Variants in RAB27B observed in about 807,000 individuals in gnomAD.
The protein encoded by RAB27B is RAB27B, member RAS oncogene family, also known as ras-related protein Rab-27B.
A neutral mutation model predicts 24.6 loss-of-function variants in RAB27B; 15 were observed. That is an observed-to-expected ratio of 0.61 (90% CI 0.41 to 0.94). RAB27B has a LOEUF of 0.94. RAB27B is among the 40% of genes least tolerant of loss of function. RAB27B has a pLI of 0.00. For missense variants in RAB27B, 261 were observed against 266.8 expected, an observed-to-expected ratio of 0.98 and a Z score of 0.15; for synonymous variants, 105 against 92.5, an observed-to-expected ratio of 1.14 and a Z score of -0.78.
intron 2 of RAB27B, among the ~76,000 whole-genome samples, chr18:54,795,374 A>T (rs1245682315): frequency 6.6e-6 from 1 of 152,212 alleles, no homozygotes; most frequent in African/African-American, 2.4e-5. Context: ...TCCTCGCCAC[A>T]CAGAAAGCCA....
chr18:54,730,571 G>T (rs568950670), intron 2 of RAB27B, among the ~76,000 whole-genome samples: 1 of 152,126 alleles, frequency 6.6e-6, no homozygotes, highest in African/African-American at 2.4e-5. Context: ...GCCCGGTGGA[G>T]GTGTTTGGGT....
chr18:54,861,431 C>T (rs574033414), intron 1 of RAB27B, among the ~76,000 whole-genome samples: 7 of 152,286 alleles, frequency 4.6e-5, no homozygotes, highest in African/African-American at 1.4e-4. Flanking sequence ...GGTGGCATAT[C>T]ATTTTCATGA....
At chr18:54,870,379 C>A (rs1400461056) in intron 1 of RAB27B, among the ~76,000 whole-genome samples, 2 of 152,090 alleles carry the variant, frequency 1.3e-5, no homozygotes, top group Non-Finnish European at 2.9e-5. Context: ...AATTTAATAT[C>A]TACTCATGTT....
chr18:54,846,155 T>A (rs1321830047), intron 1 of RAB27B, among the ~76,000 whole-genome samples: 1 of 152,228 alleles, frequency 6.6e-6, no homozygotes, highest in East Asian at 1.9e-4. Flanking sequence ...GCAGGCTATA[T>A]GTGCCTTAAG....
intron 2 of RAB27B, among the ~76,000 whole-genome samples, chr18:54,741,990 G>A (rs180843713): frequency 6.6e-6 from 1 of 152,290 alleles, no homozygotes; most frequent in Admixed American, 6.5e-5. Context: ...TCAGTCTTAA[G>A]GGGTTTGTTT....
intron 2 of RAB27B, among the ~76,000 whole-genome samples, chr18:54,776,922 G>A (rs1003434354): frequency 6.6e-6 from 1 of 152,110 alleles, no homozygotes; most frequent in East Asian, 1.9e-4. Context: ...GCACACACTG[G>A]TAGTCTCAGC....
At chr18:54,816,699 T>G (rs1364965339) in intron 2 of RAB27B, among the ~76,000 whole-genome samples, 5 of 152,170 alleles carry the variant, frequency 3.3e-5, no homozygotes, top group Admixed American at 3.3e-4. Context: ...AGTGGAAGTT[T>G]GGGCTGTGTG....
At chr18:54,825,320 T>C (rs1910436197), upstream of RAB27B, among the ~76,000 whole-genome samples, 1 of 152,230 alleles carries the variant, frequency 6.6e-6, no homozygotes, top group African/African-American at 2.4e-5. Context: ...TTTAAAGGAT[T>C]GTTTTCCTGG....
Position 54,797,173 on chromosome 18 carries a change from A to G in RAB27B, c.-20+79032A>G, listed in dbSNP as rs530880595. On this transcript the variant is annotated intron_variant, in intron 2 of 4. Transcript: ENST00000586570. ...TGAGTGCAAATGTGTGCACAGGCAT[A>G]TAAGAATTTGGAATTGTTTCTAGGG... Among the ~76,000 whole-genome samples the G allele has an allele frequency of 3.3e-5, 5 of 152,348 alleles. No individual in the cohort carries two copies. In the South Asian group the frequency reaches 6.2e-4, roughly 19 times the overall value.
At chr18:54,831,083 G>T (rs965186698) in intron 1 of RAB27B, among the ~76,000 whole-genome samples, 6 of 152,264 alleles carry the variant, frequency 3.9e-5, no homozygotes, top group African/African-American at 1.4e-4. Flanking sequence ...GATAAGCAGG[G>T]TGAGTCTATG....
chr18:54,839,915 A>G (rs1240043500), intron 1 of RAB27B, among the ~76,000 whole-genome samples: 1 of 152,236 alleles, frequency 6.6e-6, no homozygotes, highest in Non-Finnish European at 1.5e-5. Context: ...TCTATACATA[A>G]GTCAATAACA....
chr18:54,731,545 A>G (rs1015133563), intron 2 of RAB27B, among the ~76,000 whole-genome samples: 1 of 151,992 alleles, frequency 6.6e-6, no homozygotes, highest in African/African-American at 2.4e-5. Flanking sequence ...ATGTGAAGAA[A>G]CCCTATGTCT....
rs1398414750 is a variant in RAB27B at position 54,793,791 on chromosome 18, G to A, written c.-20+75650G>A. Reference sequence around the variant, plus strand: ...CCAGGCGTGGTGATACACGCCTGCAGTCCGAACTATTCGGGAAGCAGAGGA... The same window carrying A: ...CCAGGCGTGGTGATACACGCCTGCAATCCGAACTATTCGGGAAGCAGAGGA... On this transcript the variant is annotated intron_variant, in intron 2 of 4. Transcript: ENST00000586570. Among the ~76,000 whole-genome samples, 3 of 152,228 alleles carry A rather than the reference G, an allele frequency of 2.0e-5. No homozygotes were observed. In the East Asian group the frequency reaches 5.8e-4, roughly 29 times the overall value.
At chr18:54,732,801 T>C (rs1239047830) in intron 2 of RAB27B, among the ~76,000 whole-genome samples, 2 of 152,170 alleles carry the variant, frequency 1.3e-5, no homozygotes, top group Non-Finnish European at 2.9e-5. Context: ...TTATTTATAT[T>C]TCTACAGGAC....
chr18:54,889,205 G>A lies in RAB27B; in HGVS notation c.468-19G>A, dbSNP rs1653417255. 3 of 1,585,126 alleles carry A rather than the reference G, an allele frequency of 1.9e-6. No homozygotes were observed. Among genetic ancestry groups the A allele is most frequent in the Middle Eastern group, 1.7e-4 (1 of 5,892 alleles). On this transcript the variant is annotated intron_variant, in intron 5 of 5. Coordinates refer to ENST00000262094, the MANE Select transcript of RAB27B (RefSeq NM_004163.4). ...TGATTTCTTCCTCTCAAAAATATTT[G>A]CCATCCTTTCTATGCTAGCATACCA...
chr18:54,748,887 A>C (rs150447113), intron 2 of RAB27B, among the ~76,000 whole-genome samples: 1 of 152,248 alleles, frequency 6.6e-6, no homozygotes, highest in Non-Finnish European at 1.5e-5. Flanking sequence ...TATGCTCTTC[A>C]TAGAAGAAAG....
intron 2 of RAB27B, among the ~76,000 whole-genome samples, chr18:54,779,216 C>T (rs888462924): frequency 1.3e-5 from 2 of 152,156 alleles, no homozygotes; most frequent in Admixed American, 1.3e-4. Context: ...GCGGTTATTT[C>T]TTCATCTTCA....
chr18:54,762,824 A>G (rs938840062), intron 2 of RAB27B, among the ~76,000 whole-genome samples: 4 of 152,080 alleles, frequency 2.6e-5, no homozygotes, highest in Admixed American at 1.3e-4. Context: ...CTCCATTCGC[A>G]TATTACAGCT....
At chr18:54,858,517 GGGAC>G (rs200728201) in intron 1 of RAB27B, among the ~76,000 whole-genome samples, 3,967 of 151,780 alleles carry the variant, frequency 0.026, 85 homozygotes, top group Non-Finnish European at 0.039. Context: ...CCGAGTAGCT[GGGAC>G]TACAGGTGCC....
Sources: gnomAD v4.1 joint callset for allele counts (sites outside exome capture counted in the v4.1 genomes callset) on GRCh38, gnomAD v4.1.1 for gene constraint, MANE v1.5 for transcripts, NCBI Gene and HGNC (gene_info 2026-07-23, HGNC 2026-07-21) for gene names.